The following IRAG1 variants were observed in gnomAD, a reference collection of about 807,000 sequenced individuals.
IRAG1 encodes IP3R-associated cGMP kinase substrate.
A neutral mutation model predicts 106.2 loss-of-function variants in IRAG1; 62 were observed. The observed-to-expected ratio is 0.58, with a 90% CI of 0.48 to 0.72. The LOEUF (loss-of-function observed/expected upper bound fraction) is 0.72. Among genes scored for constraint, IRAG1 ranks in the 30% least tolerant of loss-of-function variants. IRAG1 has a pLI of 0.00. For missense variants in IRAG1, 1,064 were observed against 1,140.7 expected (o/e 0.93, Z 0.97); for synonymous variants, 462 against 443.9 (o/e 1.04, Z -0.51).
At chr11:10,581,502 G>A (rs906961386) in intron 19 of IRAG1, among the ~76,000 whole-genome samples, 1 of 152,108 alleles carries the variant, frequency 6.6e-6, no homozygotes, top group Admixed American at 6.5e-5. Context: ...AGCTGCAGCT[G>A]CTCCTGGGCA....
At chr11:10,633,919 T>C (rs761214089) in intron 3 of IRAG1, 49 bp downstream of exon 3, 21 of 1,107,792 alleles carry the variant, frequency 1.9e-5, no homozygotes, top group East Asian at 2.6e-5. Context: ...CTGATCCTCA[T>C]GTTCTAGGAA....
intron 1 of IRAG1, 169 bp downstream of exon 1, chr11:10,693,367 C>G (rs1862212341): frequency 3.1e-6 from 4 of 1,294,076 alleles, no homozygotes; most frequent in Admixed American, 5.8e-5. Context: ...AAACTTAAGA[C>G]AGCAACAATA....
rs536820562 is a variant in IRAG1 at position 10,657,731 on chromosome 11, G to C, written c.68-5549C>G. On this transcript the variant is annotated intron_variant, in intron 1 of 20. Coordinates refer to ENST00000423302, the MANE Select transcript of IRAG1 (RefSeq NM_130385.4). This position sits in a 1 kb window ranked among gnomAD's most constrained non-coding sequence, Gnocchi z 4.1. ...GTCTATCTCTAGATGGACAACTGAT[G>C]GGGGGAATTGTTGGGGGTGACTGCA... Among the ~76,000 whole-genome samples, 3 of 152,284 alleles carry C rather than the reference G, an allele frequency of 2.0e-5. No individual in the cohort carries two copies. The highest frequency in any genetic ancestry group is 7.2e-5 in the African/African-American group (3 of 41,566).
chr11:10,645,868 G>A (rs7113409), intron 2 of IRAG1, among the ~76,000 whole-genome samples: 45,582 of 152,050 alleles, frequency 0.3, 7,031 homozygotes, highest in Non-Finnish European at 0.34. Context: ...GGAGTATTGC[G>A]AGAATTAAAT....
Position 10,693,653 on chromosome 11 carries a change from G to GCACGAGA in IRAG1, c.-52_-51insTCTCGTG. On this transcript the variant is annotated 5_prime_UTR_variant, in exon 1 of 21. Transcript: ENST00000423302. ...CGGAGCTCAGAGCCGAGAAGCCTCT[G>GCACGAGA]GCTGCAGAACCTCGGCCGCACGCCT... 2 of 1,531,654 alleles carry GCACGAGA rather than the reference G, an allele frequency of 1.3e-6. No homozygotes were observed. The highest frequency in any genetic ancestry group is 1.7e-6 in the Non-Finnish European group (2 of 1,144,884). The allele number at this position is 1,531,654 out of a possible 1,614,324, so 94.9% of individuals were successfully genotyped here.
Position 10,627,699 on chromosome 11 carries a change from G to A in IRAG1, c.750+17C>T. 1 of 1,613,966 alleles carries A rather than the reference G, an allele frequency of 6.2e-7. No homozygotes were observed. Among genetic ancestry groups the A allele is most frequent in the Non-Finnish European group, 8.5e-7 (1 of 1,179,864 alleles). On this transcript the variant is annotated intron_variant, in intron 8 of 20. Transcript: ENST00000423302. ...CCCACACTCAAATCATCCAAAGGGA[G>A]CAAAGCTCAAACTCACAGGCTCGCC... is the stretch of plus-strand genomic sequence containing the variant.
intron 1 of IRAG1, chr11:10,687,786 G>T (rs1268275201): frequency 2.3e-6 from 3 of 1,288,876 alleles, no homozygotes; most frequent in Non-Finnish European, 3.0e-6. Flanking sequence ...CTCTGGAGGG[G>T]AACAGACAGG....
chr11:10,603,602 T>C (rs1419193856), intron 13 of IRAG1, among the ~76,000 whole-genome samples: 5 of 152,046 alleles, frequency 3.3e-5, no homozygotes, highest in African/African-American at 1.2e-4. Flanking sequence ...TTGGTACCGG[T>C]TTGCGGCCTG....
chr11:10,601,182 C>T (rs1853958968), intron 14 of IRAG1, 123 bp from the exon 15 acceptor site: 2 of 1,343,278 alleles, frequency 1.5e-6, no homozygotes, highest in Admixed American at 2.1e-5. Context: ...AGACTCTGCC[C>T]TCTGAAGAGT....
chr11:10,679,078 C>A (rs1860932149), intron 1 of IRAG1, among the ~76,000 whole-genome samples: 1 of 152,182 alleles, frequency 6.6e-6, no homozygotes, highest in South Asian at 2.1e-4. Context: ...GCCCTTCAGC[C>A]TGACATGGTG....
In IRAG1 at chr11:10,594,134, G is replaced by C; in HGVS notation, c.2067+12C>G. On this transcript the variant is annotated intron_variant, in intron 16 of 20. Coordinates refer to ENST00000423302, the MANE Select transcript of IRAG1 (RefSeq NM_130385.4). The stretch of plus-strand genomic sequence containing the variant: ...CCTTCCAGGAGCCCTGGTATTCCTT[G>C]AACATGCATACCTTTCCCAGCGTGA... 1 of 1,601,356 alleles carries C rather than the reference G, an allele frequency of 6.2e-7. No individual in the cohort carries two copies. The highest frequency in any genetic ancestry group is 8.5e-7 in the Non-Finnish European group (1 of 1,173,724).
intron 1 of IRAG1, among the ~76,000 whole-genome samples, chr11:10,681,860 G>T (rs1178747530): frequency 6.6e-6 from 1 of 152,126 alleles, no homozygotes; most frequent in Non-Finnish European, 1.5e-5. Context: ...AAACTGCCAT[G>T]GTGCTAGCTT....
chr11:10,663,555 C>T (rs1201491067), intron 1 of IRAG1, among the ~76,000 whole-genome samples: 1 of 152,150 alleles, frequency 6.6e-6, no homozygotes, highest in African/African-American at 2.4e-5. Flanking sequence ...TCCAAGGCCA[C>T]CTCCTCCAGG....
At chr11:10,639,665 C>T (rs1857378786) in intron 2 of IRAG1, among the ~76,000 whole-genome samples, 1 of 152,170 alleles carries the variant, frequency 6.6e-6, no homozygotes. Context: ...TGCCTCCCTG[C>T]CCAGATCCTC....
chr11:10,651,571 C>A (rs554378679), intron 2 of IRAG1, among the ~76,000 whole-genome samples: 2 of 152,334 alleles, frequency 1.3e-5, no homozygotes, highest in African/African-American at 4.8e-5. Flanking sequence ...CTGCTTTCAT[C>A]ATTTCCTTTC....
At chr11:10,633,882 A>G (rs550053432) in intron 3 of IRAG1, 86 bp downstream of exon 3, 2 of 728,910 alleles carry the variant, frequency 2.7e-6, no homozygotes, top group Admixed American at 3.6e-5. Flanking sequence ...AAGAAAAAAG[A>G]AAAGATTTAT....
intron 2 of IRAG1, among the ~76,000 whole-genome samples, chr11:10,636,302 G>A (rs1478115619): frequency 5.3e-5 from 8 of 152,192 alleles, no homozygotes; most frequent in Admixed American, 5.2e-4. Context: ...AGCCTCCTGA[G>A]TAGTTGGGAC....
In IRAG1 at chr11:10,677,231, A is replaced by G. The variant is rs543090792; in HGVS notation, c.67+16305T>C. The stretch of plus-strand genomic sequence containing the variant: ...CTGGGAAGTTCCTCACTTCTTTCTT[A>G]CCTACCTGCCAGATCCACAACTACC... On this transcript the variant is annotated intron_variant, in intron 1 of 20. Transcript: ENST00000423302. 3.3e-5 allele frequency among the ~76,000 whole-genome samples: 5 copies of G among 152,088 alleles called. 1 individual carries two copies. The highest frequency in any genetic ancestry group is 1.2e-4 in the African/African-American group (5 of 41,484).
In IRAG1 at chr11:10,634,020, T is replaced by A; in HGVS notation, c.277A>T (p.Thr93Ser). ...CCTTCTGGTGAAGTGGCATCCCCAG[T>A]CAGGACAATCGTGGGAGTTGGACTG... ...SCSPTPTIVL[T>S]GDATSPEGET... The change falls in exon 3 of 21, where the codon ACT (threonine) becomes TCT (serine). Residue 93 changes from threonine (T) to serine (S), a missense_variant. Physicochemically the swap from Thr to Ser is moderately conservative, Grantham distance 58. Transcript: ENST00000423302. The A allele has an allele frequency of 6.2e-7, 1 of 1,612,774 alleles. No individual in the cohort carries two copies.
Sources: gnomAD v4.1 joint callset for allele counts (sites outside exome capture counted in the v4.1 genomes callset) on GRCh38, gnomAD v4.1.1 for gene constraint, Gnocchi (gnomAD v3.1) non-coding constraint, MANE v1.5 for transcripts, NCBI Gene and HGNC (gene_info 2026-07-23, HGNC 2026-07-21) for gene names.